SPON1: variants seen among roughly 807,000 people sequenced by gnomAD.
SPON1 encodes the protein spondin 1, also known as spondin-1.
Under a neutral mutation model 111.7 loss-of-function variants are expected in SPON1, and 52 were observed. That is an observed-to-expected ratio of 0.47 (90% CI 0.37 to 0.59). The LOEUF is 0.59. Among genes scored for constraint, SPON1 ranks in the 20% least tolerant of loss-of-function variants. The pLI, the probability that SPON1 is intolerant of heterozygous loss-of-function variation, is 0.00. For synonymous variants in SPON1, 410 were observed against 395.8 expected, an observed-to-expected ratio of 1.04 and a Z score of -0.43; for missense variants, 957 against 1,068.5, an observed-to-expected ratio of 0.90 and a Z score of 1.46.
intron 6 of SPON1, among the ~76,000 whole-genome samples, chr11:14,160,467 ATT>A (rs1847903720): frequency 4.8e-5 from 1 of 20,852 alleles, no homozygotes; most frequent in Non-Finnish European, 7.7e-5. Flanking sequence ...ATATATATAT[ATT>A]TATATATATA....
At chr11:14,216,375 T>G (rs12146558) in intron 6 of SPON1, among the ~76,000 whole-genome samples, 2,344 of 152,238 alleles carry the variant, frequency 0.015, 26 homozygotes, top group Non-Finnish European at 0.026. Context: ...AAGCAAACAA[T>G]GTGCAGATGC....
At chr11:14,177,285 T>C (rs970418759) in intron 6 of SPON1, among the ~76,000 whole-genome samples, 7 of 152,056 alleles carry the variant, frequency 4.6e-5, no homozygotes, top group Non-Finnish European at 1.0e-4. Flanking sequence ...CGTGATCTGC[T>C]TGCCTTGGCC....
In SPON1 at chr11:14,262,696, A is replaced by G. The variant is rs1554942021; in HGVS notation, c.1997-16A>G. Reference sequence around the variant, plus strand: ...TCAGACATGTGATACACTCATGCCCATCTGTGTCTTGCCAGCCATTGACTG... The same window carrying G: ...TCAGACATGTGATACACTCATGCCCGTCTGTGTCTTGCCAGCCATTGACTG... On this transcript the variant is annotated splice_polypyrimidine_tract_variant and intron_variant, in intron 14 of 15. Coordinates refer to ENST00000576479, the MANE Select transcript of SPON1 (RefSeq NM_006108.4). 1 of 1,613,824 alleles carries G rather than the reference A, an allele frequency of 6.2e-7. No homozygotes were observed. The highest frequency in any genetic ancestry group is 8.5e-7 in the Non-Finnish European group (1 of 1,179,830).
chr11:14,082,382 G>C (rs1435641335), intron 5 of SPON1, among the ~76,000 whole-genome samples: 1 of 152,182 alleles, frequency 6.6e-6, no homozygotes, highest in South Asian at 2.1e-4. Flanking sequence ...GAAAAATTTG[G>C]TCACTTGTAC....
intron 2 of SPON1, among the ~76,000 whole-genome samples, chr11:14,003,871 T>C (rs954814228): frequency 2.0e-5 from 3 of 152,200 alleles, no homozygotes; most frequent in Non-Finnish European, 4.4e-5. Flanking sequence ...ATTAGATCTC[T>C]AGACTTGTTC....
chr11:14,135,467 A>G lies in SPON1; in HGVS notation c.724A>G (p.Asn242Asp). The change falls in exon 6 of 16, where the codon AAT (asparagine) becomes GAT (aspartate). Residue 242 changes from asparagine to aspartate, a missense_variant. By Grantham distance (23) the Asn-to-Asp change is conservative. Around this residue, in one of 5 missense-constraint regions of SPON1, gnomAD observed 122 missense variants for 143.2 expected, o/e 0.85. Transcript: ENST00000576479. The surrounding 1 kb of genome is among the most constrained non-coding windows in gnomAD (Gnocchi z 4.4). ...GATCATCGGAGGATCCCACTCCAAG[A>G]ATTATGTACTGTGGGAATATGGAGG... is the stretch of plus-strand genomic sequence containing the variant. Reference protein sequence around the residue: ...SAIIGGSHSKNYVLWEYGGYA... With the variant: ...SAIIGGSHSKDYVLWEYGGYA... The G allele has an allele frequency of 1.9e-6, 3 of 1,613,430 alleles. No individual in the cohort carries two copies. The highest frequency in any genetic ancestry group is 2.5e-6 in the Non-Finnish European group (3 of 1,179,506).
intron 3 of SPON1, among the ~76,000 whole-genome samples, chr11:14,070,535 G>A (rs535282580): frequency 6.6e-6 from 1 of 152,276 alleles, no homozygotes; most frequent in South Asian, 2.1e-4. Flanking sequence ...CAATGATAAT[G>A]ACCACCACAT....
intron 6 of SPON1, among the ~76,000 whole-genome samples, chr11:14,160,909 A>ATATATT (rs1554931101): frequency 0.047 from 2,566 of 54,948 alleles, 613 homozygotes; most frequent in Non-Finnish European, 0.063. Context: ...ATATATTTAT[A>ATATATT]TATATATTTA....
intron 5 of SPON1, among the ~76,000 whole-genome samples, chr11:14,081,575 C>G (rs1465710813): frequency 1.3e-5 from 2 of 151,822 alleles, no homozygotes; most frequent in African/African-American, 4.8e-5. Flanking sequence ...TGCGTGTTGC[C>G]CATTCTCTCT....
At chr11:14,158,226 A>T (rs1847871693) in intron 6 of SPON1, among the ~76,000 whole-genome samples, 1 of 152,164 alleles carries the variant, frequency 6.6e-6, no homozygotes, top group African/African-American at 2.4e-5. Context: ...GTTCACTCTT[A>T]TTCCATGGGT....
chr11:14,070,034 T>G (rs1298898254), intron 3 of SPON1, among the ~76,000 whole-genome samples: 1 of 152,166 alleles, frequency 6.6e-6, no homozygotes, highest in Non-Finnish European at 1.5e-5. Flanking sequence ...GTACACAGCC[T>G]TTGGATAAAT....
At chr11:14,203,574 G>A (rs1848485952) in intron 6 of SPON1, among the ~76,000 whole-genome samples, 1 of 152,220 alleles carries the variant, frequency 6.6e-6, no homozygotes, top group South Asian at 2.1e-4. Context: ...GAACAGACGT[G>A]ACAGATGGAG....
chr11:14,030,534 A>T (rs782248360), intron 2 of SPON1, among the ~76,000 whole-genome samples: 11 of 152,218 alleles, frequency 7.2e-5, no homozygotes, highest in Non-Finnish European at 1.6e-4. Flanking sequence ...TCCCGGGAAG[A>T]GAAAATAAAG....
chr11:13,998,930 T>G (rs1283434342), intron 2 of SPON1, among the ~76,000 whole-genome samples: 1 of 152,240 alleles, frequency 6.6e-6, no homozygotes, highest in Non-Finnish European at 1.5e-5. Context: ...CATGTATCTA[T>G]TAAGTAGTTT....
chr11:14,168,810 G>A (rs148203700), intron 6 of SPON1, among the ~76,000 whole-genome samples: 236 of 152,242 alleles, frequency 1.6e-3, no homozygotes, highest in African/African-American at 5.2e-3. Context: ...CTTCATCCAC[G>A]TCCCTACGAA....
At chr11:13,998,631 T>A (rs1385053480) in intron 2 of SPON1, among the ~76,000 whole-genome samples, 1 of 152,218 alleles carries the variant, frequency 6.6e-6, no homozygotes, top group Non-Finnish European at 1.5e-5. Flanking sequence ...GGCAGACAAC[T>A]GGGCCATGTC....
intron 2 of SPON1, among the ~76,000 whole-genome samples, chr11:14,016,785 A>G (rs1159276940): frequency 6.6e-6 from 1 of 152,154 alleles, no homozygotes; most frequent in Non-Finnish European, 1.5e-5. Context: ...GACTCACACT[A>G]TTGGTTTCAC....
At chr11:14,010,681 C>T (rs1186507898) in intron 2 of SPON1, among the ~76,000 whole-genome samples, 1 of 152,156 alleles carries the variant, frequency 6.6e-6, no homozygotes, top group Non-Finnish European at 1.5e-5. Context: ...CAATAGATTG[C>T]CTGGCATCTT....
At chr11:14,151,047 A>G (rs1402755500) in intron 6 of SPON1, among the ~76,000 whole-genome samples, 3 of 152,242 alleles carry the variant, frequency 2.0e-5, no homozygotes, top group African/African-American at 7.2e-5. Flanking sequence ...TACATGGAGT[A>G]GCTGTTCCAA....
Sources: gnomAD v4.1 joint callset for allele counts (sites outside exome capture counted in the v4.1 genomes callset) on GRCh38, gnomAD v4.1.1 for gene constraint, gnomAD v4.1.1 regional missense constraint, Gnocchi (gnomAD v3.1) non-coding constraint, MANE v1.5 for transcripts, NCBI Gene and HGNC (gene_info 2026-07-23, HGNC 2026-07-21) for gene names.